PRKAR1B: variants seen among roughly 807,000 people sequenced by gnomAD.
PRKAR1B encodes protein kinase cAMP-dependent type I regulatory subunit beta.
In PRKAR1B, 22 loss-of-function variants were observed where a neutral mutation model predicts 46.5. That is an observed-to-expected ratio of 0.47 (90% CI 0.34 to 0.68). The LOEUF (loss-of-function observed/expected upper bound fraction) is 0.68. Among genes scored for constraint, PRKAR1B ranks in the 30% least tolerant of loss-of-function variants. The pLI is 0.01. For synonymous variants in PRKAR1B, 259 were observed against 217.7 expected, an observed-to-expected ratio of 1.19 and a Z score of -1.67; for missense variants, 445 against 535.6, an observed-to-expected ratio of 0.83 and a Z score of 1.67.
At chr7:705,206 C>T (rs1044263842) in intron 2 of PRKAR1B, among the ~76,000 whole-genome samples, 1 of 151,094 alleles carries the variant, frequency 6.6e-6, no homozygotes, top group African/African-American at 2.4e-5. Context: ...GCAGGAAAAT[C>T]GCTTGAAAAT....
chr7:595,155 C>A (rs926740666), intron 7 of PRKAR1B, among the ~76,000 whole-genome samples: 2 of 152,168 alleles, frequency 1.3e-5, no homozygotes, highest in African/African-American at 4.8e-5. Context: ...CTGCCCCACG[C>A]GGGAAGGCCT....
chr7:561,050 G>T (rs928572734), intron 9 of PRKAR1B, among the ~76,000 whole-genome samples: 1 of 151,652 alleles, frequency 6.6e-6, no homozygotes, highest in African/African-American at 2.4e-5. Flanking sequence ...ACACACAGAT[G>T]CATATTTGTG....
intron 9 of PRKAR1B, among the ~76,000 whole-genome samples, chr7:562,242 G>A (rs1054055107): frequency 6.8e-6 from 1 of 148,074 alleles, no homozygotes; most frequent in African/African-American, 2.5e-5. Flanking sequence ...CCTGCTGCCT[G>A]CCAGGCGGGG....
chr7:570,558 C>G (rs1779442180), intron 9 of PRKAR1B, among the ~76,000 whole-genome samples: 1 of 152,128 alleles, frequency 6.6e-6, no homozygotes, highest in African/African-American at 2.4e-5. Context: ...CCTCCCTCAT[C>G]CCCCGCCGTC....
intron 8 of PRKAR1B, among the ~76,000 whole-genome samples, chr7:581,303 A>C (rs1291910185): frequency 2.3e-5 from 1 of 42,658 alleles, no homozygotes; most frequent in South Asian, 3.6e-4. Context: ...ACTCTGTCTC[A>C]AAAAAAAAAA....
chr7:688,403 C>CA (rs1255374596), intron 2 of PRKAR1B, among the ~76,000 whole-genome samples: 8,498 of 132,792 alleles, frequency 0.064, 450 homozygotes, highest in East Asian at 0.19. Context: ...GACTCCATCT[C>CA]AAAAAAAAAA....
chr7:621,152 A>G (rs148572339), intron 4 of PRKAR1B, among the ~76,000 whole-genome samples: 240 of 152,368 alleles, frequency 1.6e-3, no homozygotes, highest in Non-Finnish European at 2.2e-3. Flanking sequence ...ACAATGATCT[A>G]GCAGCTTCCT....
intron 1 of PRKAR1B, among the ~76,000 whole-genome samples, chr7:722,096 C>CTTTTT (rs147399956): frequency 8.9e-4 from 82 of 92,344 alleles, no homozygotes; most frequent in African/African-American, 1.2e-3. Flanking sequence ...AGTTTTCAGC[C>CTTTTT]TTTTTTTTTT....
At chr7:725,737 A>G (rs1416045216) in intron 1 of PRKAR1B, among the ~76,000 whole-genome samples, 2 of 152,206 alleles carry the variant, frequency 1.3e-5, no homozygotes. Context: ...TAGAGGCCAC[A>G]AGATTCCAAA....
At position 727,203 on chromosome 7, in the gene PRKAR1B, G is replaced by GC; in HGVS notation, c.-23+6dup. 1 of 1,348,108 alleles carries GC rather than the reference G, an allele frequency of 7.4e-7. No homozygotes were observed. The allele number at this position is 1,348,108 out of a possible 1,614,324, so 83.5% of individuals were successfully genotyped here. A position where few individuals can be genotyped will look rare whatever the true frequency, so the allele number is the denominator to read the frequency against. On this transcript the variant is annotated splice_region_variant and intron_variant, in intron 1 of 10. Transcript: ENST00000537384. ...TGGACCTGTGCGGCGCCGCGCTCGC[G>GC]CCCCACCTGGACGACGCTCTGCGCG... is the stretch of plus-strand genomic sequence containing the variant.
intron 2 of PRKAR1B, among the ~76,000 whole-genome samples, 198 bp downstream of exon 2, chr7:711,131 C>T (rs1780601392): frequency 6.6e-6 from 1 of 152,184 alleles, no homozygotes; most frequent in South Asian, 2.1e-4. Flanking sequence ...AGGCATGAAT[C>T]TCGGGAGACC....
At chr7:584,627 T>G (rs1176238374) in intron 7 of PRKAR1B, 59 bp from the exon 8 acceptor site, 3 of 1,435,720 alleles carry the variant, frequency 2.1e-6, no homozygotes, top group Non-Finnish European at 2.9e-6. Context: ...TGGATCATCC[T>G]GACGTTTCCA....
At chr7:715,811 G>C (rs1463668575) in intron 1 of PRKAR1B, among the ~76,000 whole-genome samples, 1 of 151,988 alleles carries the variant, frequency 6.6e-6, no homozygotes, top group Non-Finnish European at 1.5e-5. Flanking sequence ...CGCCTCCCGG[G>C]TTCACGCCAT....
At chr7:615,819 C>A (rs1270859893) in intron 4 of PRKAR1B, among the ~76,000 whole-genome samples, 2 of 86,750 alleles carry the variant, frequency 2.3e-5, no homozygotes, top group Admixed American at 1.8e-4. Context: ...CAGAGCAAGA[C>A]TCCATCAAAA....
At position 561,703 on chromosome 7, in the gene PRKAR1B, C is replaced by A. The variant is rs147297384; in HGVS notation, c.892-10233G>T. Among the ~76,000 whole-genome samples the A allele has an allele frequency of 3.6e-3, 542 of 152,368 alleles. 1 individual carries two copies. The highest frequency in any genetic ancestry group is 0.012 in the African/African-American group (515 of 41,596). On this transcript the variant is annotated intron_variant, in intron 9 of 10. Coordinates refer to ENST00000537384, the MANE Select transcript of PRKAR1B (RefSeq NM_001164760.2). ...GGACGACAGCGAAAACACACTTCAG[C>A]GGGCGAGCCGCCCAAGGTCAGCTCC...
chr7:590,555 G>A (rs1780916750), intron 7 of PRKAR1B, among the ~76,000 whole-genome samples: 1 of 152,242 alleles, frequency 6.6e-6, no homozygotes, highest in Admixed American at 6.5e-5. Context: ...GCAAGTCACA[G>A]CAGACGCAGA....
At chr7:697,233 A>G (rs1034858293) in intron 2 of PRKAR1B, 1 of 152,172 alleles carries the variant, frequency 6.6e-6, no homozygotes, top group Non-Finnish European at 1.5e-5. Context: ...TCCAGCCCAG[A>G]AAAGAAAATA....
chr7:583,422 ACACG>A (rs1562537040), intron 8 of PRKAR1B, among the ~76,000 whole-genome samples: 20 of 56,922 alleles, frequency 3.5e-4, no homozygotes, highest in South Asian at 9.8e-4. Flanking sequence ...ACCCACGCAC[ACACG>A]CACACACCCA....
At chr7:557,600 C>T (rs999823175) in intron 9 of PRKAR1B, among the ~76,000 whole-genome samples, 1 of 152,130 alleles carries the variant, frequency 6.6e-6, no homozygotes, top group Non-Finnish European at 1.5e-5. Flanking sequence ...GGCAGGGGTG[C>T]CGACCTCCAG....
Sources: gnomAD v4.1 joint callset for allele counts (sites outside exome capture counted in the v4.1 genomes callset) on GRCh38, gnomAD v4.1.1 for gene constraint, MANE v1.5 for transcripts, NCBI Gene and HGNC (gene_info 2026-07-23, HGNC 2026-07-21) for gene names.